The following FCGR3A variants were observed in gnomAD, a reference collection of about 807,000 sequenced individuals.
FCGR3A encodes the protein Fc gamma receptor IIIa.
A neutral mutation model predicts 24.1 loss-of-function variants in FCGR3A; 13 were observed. That is an observed-to-expected ratio of 0.54 (90% CI 0.35 to 0.86). The LOEUF (loss-of-function observed/expected upper bound fraction) is 0.86, where lower values mean the gene tolerates loss of function less well. Among genes scored for constraint, FCGR3A ranks in the 40% least tolerant of loss-of-function variants. FCGR3A has a pLI of 0.01. For synonymous variants in FCGR3A, 93 were observed against 112.2 expected (o/e 0.83, Z 1.08); for missense variants, 235 against 298.0 (o/e 0.79, Z 1.56).
chr1:161,544,669 C>T, intron 4 of FCGR3A, 32 bp downstream of exon 4: 7 of 1,606,542 alleles, frequency 4.4e-6, no homozygotes, highest in Non-Finnish European at 6.0e-6. Flanking sequence ...ACACAGGCGT[C>T]CCTGGGCATT....
chr1:161,545,873 C>G (rs1677368806), intron 3 of FCGR3A: 1 of 151,920 alleles, frequency 6.6e-6, no homozygotes, highest in South Asian at 2.1e-4. Context: ...CATAATACTT[C>G]AAATATTTTA....
chr1:161,542,995 C>T lies in FCGR3A; in HGVS notation c.*17G>A, dbSNP rs768148652. On this transcript the variant is annotated 3_prime_UTR_variant, in exon 5 of 5. Transcript: ENST00000443193. ...GATGCTGCTGCTACTGCTCTTATTA[C>T]CCCCATGGGATGGGGGTCATTTGTC... The T allele has an allele frequency of 6.3e-7, 1 of 1,593,246 alleles. No individual in the cohort carries two copies. Among genetic ancestry groups the T allele is most frequent in the Non-Finnish European group, 8.6e-7 (1 of 1,167,200 alleles).
At chr1:161,544,096 A>G (rs1188725805) in intron 4 of FCGR3A, among the ~76,000 whole-genome samples, 1 of 152,232 alleles carries the variant, frequency 6.6e-6, no homozygotes. Flanking sequence ...TACCTATCTC[A>G]TGTTGTGAAG....
chr1:161,546,583 T>C (rs1234332738), intron 3 of FCGR3A, among the ~76,000 whole-genome samples: 2 of 151,932 alleles, frequency 1.3e-5, no homozygotes, highest in East Asian at 1.9e-4. Flanking sequence ...GCTGACTAGA[T>C]TGGAATAAAG....
chr1:161,545,505 G>A (rs1290043961), intron 3 of FCGR3A: 3 of 155,258 alleles, frequency 1.9e-5, no homozygotes, highest in Non-Finnish European at 2.9e-5. Context: ...GGAGGGGAAG[G>A]GCGGGACTGG....
intron 4 of FCGR3A, among the ~76,000 whole-genome samples, chr1:161,543,873 G>A (rs1677250243): frequency 6.6e-6 from 1 of 152,222 alleles, no homozygotes; most frequent in Admixed American, 6.5e-5. Context: ...GAAAGTCCAG[G>A]CACACCACTC....
chr1:161,547,928 G>T (rs1677504859), intron 3 of FCGR3A, among the ~76,000 whole-genome samples: 1 of 152,292 alleles, frequency 6.6e-6, no homozygotes, highest in African/African-American at 2.4e-5. Flanking sequence ...AAATTAGCTG[G>T]GCGTGGTGGC....
Position 161,549,704 on chromosome 1 carries a change from T to C in FCGR3A, c.33A>G (p.Leu11=). The change falls in exon 1 of 5, where the codon CTA becomes CTG. Residue 11 remains leucine, a synonymous_variant. Coordinates refer to ENST00000443193, the MANE Select transcript of FCGR3A (RefSeq NM_000569.8). The stretch of plus-strand genomic sequence containing the variant: ...AGGGAGACCCTGACTTACCTAGAAG[T>C]AGCAGAGCAGTTGGGAGGAGCAGCT... MWQLLLPTAL[L]LLVSAGMRTE... is the part of the protein sequence containing the mutation. The C allele has an allele frequency of 1.2e-6, 2 of 1,613,710 alleles. No homozygotes were observed. The highest frequency in any genetic ancestry group is 1.7e-6 in the Non-Finnish European group (2 of 1,179,858).
At chr1:161,543,329 G>C in intron 4 of FCGR3A, 130 bp from the exon 5 acceptor site, 1 of 1,086,642 alleles carries the variant, frequency 9.2e-7, no homozygotes, top group Non-Finnish European at 1.3e-6. Context: ...TGGTGGGGAA[G>C]TCTGGGGGAA....
At chr1:161,545,427 G>C (rs1275620122) in intron 3 of FCGR3A, 1 of 159,268 alleles carries the variant, frequency 6.3e-6, no homozygotes, top group Non-Finnish European at 1.4e-5. Context: ...GTGGCAGTCA[G>C]GAATAAGGTG....
chr1:161,548,121 G>A (rs1368395561), intron 3 of FCGR3A, among the ~76,000 whole-genome samples: 1 of 152,272 alleles, frequency 6.6e-6, no homozygotes, highest in Non-Finnish European at 1.5e-5. Flanking sequence ...AACTATTATT[G>A]AGCATCTATG....
chr1:161,548,305 T>A, intron 3 of FCGR3A, 116 bp downstream of exon 3: 1 of 1,535,930 alleles, frequency 6.5e-7, no homozygotes, highest in Non-Finnish European at 8.9e-7. Context: ...GGACCACACA[T>A]CATCTCATCT....
intron 3 of FCGR3A, chr1:161,545,491 C>T (rs1024843344): frequency 1.3e-5 from 2 of 155,830 alleles, no homozygotes; most frequent in African/African-American, 2.4e-5. Context: ...AATGTAAACA[C>T]CAGGGAGGGG....
chr1:161,545,800 G>GTTATA (rs1235384552), intron 3 of FCGR3A: 1 of 151,964 alleles, frequency 6.6e-6, no homozygotes, highest in African/African-American at 2.4e-5. Flanking sequence ...AAATAATGAT[G>GTTATA]TTATAGGTAA....
chr1:161,546,181 A>G (rs1450095540), intron 3 of FCGR3A, among the ~76,000 whole-genome samples: 1 of 152,112 alleles, frequency 6.6e-6, no homozygotes, highest in Non-Finnish European at 1.5e-5. Context: ...TTTGCCAAAC[A>G]GAAAGTAATC....
chr1:161,550,423 C>G, upstream of FCGR3A: 1 of 175,914 alleles, frequency 5.7e-6, no homozygotes, highest in Non-Finnish European at 1.2e-5. Context: ...TAGAAGAAAC[C>G]CAGGTAGGGT....
intron 3 of FCGR3A, among the ~76,000 whole-genome samples, chr1:161,546,639 C>T (rs559844974): frequency 6.6e-6 from 1 of 151,958 alleles, no homozygotes; most frequent in Non-Finnish European, 1.5e-5. Flanking sequence ...GGCGCGGTGG[C>T]TCACATCTGT....
intron 3 of FCGR3A, among the ~76,000 whole-genome samples, chr1:161,546,901 T>C (rs1464601673): frequency 5.9e-5 from 9 of 151,620 alleles, no homozygotes; most frequent in Non-Finnish European, 8.8e-5. Flanking sequence ...AGAGACTCTG[T>C]CTCAAAAACA....
chr1:161,549,903 C>G (rs959537346), upstream of FCGR3A: 9 of 1,585,030 alleles, frequency 5.7e-6, no homozygotes. Context: ...AGTCTGAAGT[C>G]TGGCAAGGGA....
Sources: allele counts gnomAD v4.1 joint callset (sites outside exome capture counted in the v4.1 genomes callset), GRCh38; gene constraint gnomAD v4.1.1; transcripts MANE v1.5; gene names NCBI Gene and HGNC (gene_info 2026-07-23, HGNC 2026-07-21).